The following SERPINI2 variants were observed in gnomAD, a reference collection of about 807,000 sequenced individuals.
The protein encoded by SERPINI2 is serpin I2.
In SERPINI2, 48 loss-of-function variants were observed where a neutral mutation model predicts 47.3. The ratio of observed to expected loss-of-function variants is 1.02; its 90% CI spans 0.81 to 1.29. The LOEUF is 1.29. SERPINI2 is among the 50% of genes most tolerant of loss of function. The pLI is 0.00. For missense variants in SERPINI2, 448 were observed against 456.9 expected (o/e 0.98, Z 0.18); for synonymous variants, 135 against 149.3 (o/e 0.90, Z 0.70).
rs1293566639 is a variant in SERPINI2 at position 167,456,961 on chromosome 3, T to C, written c.867-3928A>G. On this transcript the variant is annotated intron_variant, in intron 5 of 8. Transcript: ENST00000264677. The stretch of plus-strand genomic sequence containing the variant: ...GTTATCATTACTGCATTTAACAGTA[T>C]AAGAAAAATCTTAGAAAAGTAATTT... Among the ~76,000 whole-genome samples the C allele has an allele frequency of 3.3e-5, 5 of 152,216 alleles. No homozygotes were observed. In the East Asian group the frequency reaches 9.6e-4, roughly 29 times the overall value.
chr3:167,473,586 T>A (rs193034777), intron 1 of SERPINI2, among the ~76,000 whole-genome samples: 1 of 151,552 alleles, frequency 6.6e-6, no homozygotes, highest in Non-Finnish European at 1.5e-5. Context: ...TGGTAGAATC[T>A]CAGTATTAGA....
intron 5 of SERPINI2, among the ~76,000 whole-genome samples, chr3:167,460,925 C>G (rs1218332514): frequency 6.6e-6 from 1 of 152,122 alleles, no homozygotes; most frequent in Non-Finnish European, 1.5e-5. Flanking sequence ...ATGAGCAAGA[C>G]CTAACCCGCT....
intron 5 of SERPINI2, among the ~76,000 whole-genome samples, chr3:167,460,192 A>G (rs1362751293): frequency 3.9e-5 from 6 of 152,204 alleles, no homozygotes; most frequent in African/African-American, 1.2e-4. Flanking sequence ...AGCTGTTCCA[A>G]TTTTATCAAA....
At chr3:167,448,802 G>C (rs545055548) in intron 7 of SERPINI2, among the ~76,000 whole-genome samples, 1 of 151,864 alleles carries the variant, frequency 6.6e-6, no homozygotes, top group African/African-American at 2.4e-5. Context: ...GATTACAGGC[G>C]TGAGCCACCG....
chr3:167,475,639 A>G (rs895316116), upstream of SERPINI2, among the ~76,000 whole-genome samples: 3 of 150,916 alleles, frequency 2.0e-5, no homozygotes, highest in Admixed American at 2.0e-4. Context: ...CGACAATACA[A>G]TTGTCCATAA....
intron 5 of SERPINI2, among the ~76,000 whole-genome samples, chr3:167,457,603 A>C (rs1290322301): frequency 6.6e-6 from 1 of 152,202 alleles, no homozygotes; most frequent in Non-Finnish European, 1.5e-5. Context: ...AATCCAGGTT[A>C]TTACCACTAC....
chr3:167,466,912 A>G (rs1750148661), intron 3 of SERPINI2, 143 bp downstream of exon 3: 1 of 442,352 alleles, frequency 2.3e-6, no homozygotes, highest in East Asian at 3.5e-5. Context: ...ATATTAATTT[A>G]AATAACTATG....
At position 167,462,495 on chromosome 3, in the gene SERPINI2, A is replaced by G. The variant is rs143816730; in HGVS notation, c.866+2711T>C. 3.9e-3 allele frequency among the ~76,000 whole-genome samples: 589 copies of G among 150,480 alleles called. 4 individuals carry two copies. Among genetic ancestry groups the G allele is most frequent in the African/African-American group, 0.014 (559 of 41,056 alleles). Reference sequence around the variant, plus strand: ...CTTCCCTCCATGCATATCTCTGTCTAAATTTTCCTTTTTAGATGACAACAG... The same window carrying G: ...CTTCCCTCCATGCATATCTCTGTCTGAATTTTCCTTTTTAGATGACAACAG... On this transcript the variant is annotated intron_variant, in intron 5 of 8. Transcript: ENST00000264677.
chr3:167,449,269 C>T (rs750849195), intron 7 of SERPINI2, 47 bp downstream of exon 7: 1 of 1,256,432 alleles, frequency 8.0e-7, no homozygotes, highest in South Asian at 1.2e-5. Flanking sequence ...AATGTTCATC[C>T]TCTCCCCATG....
Position 167,442,199 on chromosome 3 carries a change from A to T in SERPINI2, c.1142-14T>A. 1 of 1,561,342 alleles carries T rather than the reference A, an allele frequency of 6.4e-7. No homozygotes were observed. Among genetic ancestry groups the T allele is most frequent in the Non-Finnish European group, 8.6e-7 (1 of 1,158,098 alleles). On this transcript the variant is annotated splice_polypyrimidine_tract_variant and intron_variant, in intron 8 of 8. Transcript: ENST00000264677. ...ACAGAATTGATTCTAGGGAAAAAAA[A>T]ACAAAAAAATATACTTTAGGAATTT...
At chr3:167,462,595 A>G (rs1750015712) in intron 5 of SERPINI2, among the ~76,000 whole-genome samples, 1 of 152,232 alleles carries the variant, frequency 6.6e-6, no homozygotes, top group Non-Finnish European at 1.5e-5. Flanking sequence ...AAATAAGGCA[A>G]CATTCTGAGT....
At chr3:167,462,934 T>G (rs189749445) in intron 5 of SERPINI2, among the ~76,000 whole-genome samples, 19 of 152,278 alleles carry the variant, frequency 1.2e-4, no homozygotes, top group Admixed American at 1.2e-3. Flanking sequence ...AAAAATGCTG[T>G]CAAAGGAAAT....
At chr3:167,469,085 A>G (rs2108172135) in intron 2 of SERPINI2, among the ~76,000 whole-genome samples, 1 of 152,338 alleles carries the variant, frequency 6.6e-6, no homozygotes, top group South Asian at 2.1e-4. Context: ...AAGTAGTACA[A>G]GTTTGGAGAA....
intron 3 of SERPINI2, 101 bp from the exon 4 acceptor site, chr3:167,465,774 G>A: frequency 1.1e-6 from 1 of 923,934 alleles, no homozygotes; most frequent in Non-Finnish European, 1.6e-6. Context: ...TTGCAGATCA[G>A]TTTTGGATAG....
chr3:167,449,491 T>C, intron 6 of SERPINI2, 89 bp from the exon 7 acceptor site: 2 of 573,798 alleles, frequency 3.5e-6, no homozygotes, highest in East Asian at 7.7e-5. Context: ...CATTTATTTA[T>C]TTATTTATTT....
intron 5 of SERPINI2, among the ~76,000 whole-genome samples, chr3:167,464,622 A>T (rs910087234): frequency 6.6e-6 from 1 of 152,158 alleles, no homozygotes; most frequent in African/African-American, 2.4e-5. Context: ...GAATTGAGTC[A>T]TTTGGGCACA....
At chr3:167,469,076 A>G (rs2108172128) in intron 2 of SERPINI2, among the ~76,000 whole-genome samples, 1 of 152,320 alleles carries the variant, frequency 6.6e-6, no homozygotes, top group East Asian at 1.9e-4. Context: ...AATGTCACTA[A>G]GTAGTACAAG....
At chr3:167,455,767 G>A (rs759120463) in intron 5 of SERPINI2, among the ~76,000 whole-genome samples, 37 of 152,234 alleles carry the variant, frequency 2.4e-4, no homozygotes, top group Non-Finnish European at 5.1e-4. Context: ...AATCATGGCT[G>A]AAGGCAAAGA....
chr3:167,465,710 T>A, intron 3 of SERPINI2, 37 bp from the exon 4 acceptor site: 1 of 1,543,446 alleles, frequency 6.5e-7, no homozygotes, highest in South Asian at 1.2e-5. Context: ...AGAAGAAATG[T>A]GCAATAGTGA....
Sources: gnomAD v4.1 joint callset for allele counts (sites outside exome capture counted in the v4.1 genomes callset) on GRCh38, gnomAD v4.1.1 for gene constraint, MANE v1.5 for transcripts, NCBI Gene and HGNC (gene_info 2026-07-23, HGNC 2026-07-21) for gene names.